Variants in DAB2IP observed in about 807,000 individuals in gnomAD.
The protein encoded by DAB2IP is DAB2 interacting protein, also known as disabled homolog 2-interacting protein.
A neutral mutation model predicts 107.2 loss-of-function variants in DAB2IP; 28 were observed. The observed-to-expected ratio is 0.26, with a 90% confidence interval of 0.19 to 0.36. DAB2IP has a LOEUF of 0.36. DAB2IP is among the 10% of genes least tolerant of loss of function. The pLI is 1.00. For synonymous variants in DAB2IP, 755 were observed against 706.4 expected, an observed-to-expected ratio of 1.07 and a Z score of -1.09; for missense variants, 1,400 against 1,644.7, an observed-to-expected ratio of 0.85 and a Z score of 2.57.
chr9:121,721,692 G>A (rs1444302204), intron 3 of DAB2IP, among the ~76,000 whole-genome samples: 1 of 152,214 alleles, frequency 6.6e-6, no homozygotes, highest in Non-Finnish European at 1.5e-5. Context: ...ACTTAAAAAT[G>A]TCAACACTGT....
chr9:121,717,572 A>G (rs1830677285), intron 3 of DAB2IP, among the ~76,000 whole-genome samples: 2 of 152,208 alleles, frequency 1.3e-5, no homozygotes, highest in South Asian at 4.1e-4. Context: ...ACAGCATACC[A>G]CGTAGCAGTG....
intron 1 of DAB2IP, among the ~76,000 whole-genome samples, chr9:121,666,374 T>A (rs1407998386): frequency 6.6e-6 from 1 of 152,210 alleles, no homozygotes; most frequent in Non-Finnish European, 1.5e-5. Flanking sequence ...GACGCATGGT[T>A]CCTTGGGGAA....
chr9:121,603,185 A>G (rs182220565), intron 1 of DAB2IP, among the ~76,000 whole-genome samples: 218 of 152,198 alleles, frequency 1.4e-3, no homozygotes, highest in African/African-American at 5.0e-3. Context: ...TTGTGCGTCT[A>G]TCTATGTTTT....
At position 121,684,849 on chromosome 9, in the gene DAB2IP, C is replaced by G. The variant is rs1025043839; in HGVS notation, c.228+6068C>G. Among the ~76,000 whole-genome samples the G allele has an allele frequency of 3.3e-4, 50 of 152,280 alleles. No homozygotes were observed. Among genetic ancestry groups the G allele is most frequent in the African/African-American group, 1.2e-3 (49 of 41,560 alleles). ...CTTGCCCAGGATACTTGCTGGGGCT[C>G]CCTCCACTGGCCCAGGCTGCTGTGG... On this transcript the variant is annotated intron_variant, in intron 2 of 15. Coordinates refer to ENST00000408936, the Ensembl canonical transcript of DAB2IP. This position sits in a 1 kb window ranked among gnomAD's most constrained non-coding sequence, Gnocchi z 4.0.
chr9:121,595,194 G>A (rs1830503408), intron 1 of DAB2IP, among the ~76,000 whole-genome samples: 1 of 151,972 alleles, frequency 6.6e-6, no homozygotes, highest in African/African-American at 2.4e-5. Context: ...GAAGTTCAGA[G>A]TAGGACTGGG....
At chr9:121,763,541 C>T (rs1349874291) in exon 7 of DAB2IP, 6 of 1,613,880 alleles carry the variant, frequency 3.7e-6, no homozygotes, top group East Asian at 2.2e-5. Context: ...AGAGGTGGAC[C>T]GCTGCGGGGA....
intron 1 of DAB2IP, among the ~76,000 whole-genome samples, chr9:121,586,030 C>T (rs73661760): frequency 0.024 from 3,668 of 152,188 alleles, 62 homozygotes; most frequent in African/African-American, 0.044. Flanking sequence ...TTTCTGCACA[C>T]ACGTAGAGGT....
Position 121,632,989 on chromosome 9 carries a change from A to G in DAB2IP, c.41-45689A>G, listed in dbSNP as rs189047933. On this transcript the variant is annotated intron_variant, in intron 1 of 16. Transcript: ENST00000259371. ...CTAGACCCTTTCGGGGGGCTCCCCAACCCTGCTCAGCTTCCCTCTCTCCCA... is the reference window on the plus strand; with the variant it reads ...CTAGACCCTTTCGGGGGGCTCCCCAGCCCTGCTCAGCTTCCCTCTCTCCCA... Among the ~76,000 whole-genome samples the G allele has an allele frequency of 1.4e-3, 219 of 152,164 alleles. 1 individual carries two copies. Among genetic ancestry groups the G allele is most frequent in the African/African-American group, 5.1e-3 (211 of 41,520 alleles).
At chr9:121,785,511 GATTT>G (rs1199305040) in exon 16 of DAB2IP, 1 of 152,700 alleles carries the variant, frequency 6.5e-6, no homozygotes, top group Non-Finnish European at 1.5e-5. Flanking sequence ...AAATATTAAA[GATTT>G]ATTTAGCTAT....
At chr9:121,709,039 G>T (rs574508554) in intron 3 of DAB2IP, among the ~76,000 whole-genome samples, 2 of 152,214 alleles carry the variant, frequency 1.3e-5, no homozygotes, top group East Asian at 1.9e-4. Flanking sequence ...CCCCCACACC[G>T]CCAGTTGCCA....
chr9:121,721,514 T>G (rs1348091876), intron 3 of DAB2IP, among the ~76,000 whole-genome samples: 1 of 152,230 alleles, frequency 6.6e-6, no homozygotes, highest in Non-Finnish European at 1.5e-5. Context: ...GTGGCATCTG[T>G]GTCCATCTGG....
chr9:121,773,416 C>A, exon 12 of DAB2IP: 1 of 1,567,442 alleles, frequency 6.4e-7, no homozygotes, highest in East Asian at 2.2e-5. Flanking sequence ...TGGGTGGGCC[C>A]CAGTACCCGC....
intron 1 of DAB2IP, among the ~76,000 whole-genome samples, chr9:121,618,289 G>A (rs988176855): frequency 5.3e-5 from 8 of 152,212 alleles, no homozygotes; most frequent in African/African-American, 1.9e-4. Flanking sequence ...AGAAGAAGGA[G>A]GGAGCAGACA....
At chr9:121,683,911 G>T (rs1031970414) in intron 2 of DAB2IP, among the ~76,000 whole-genome samples, 13 of 152,186 alleles carry the variant, frequency 8.5e-5, no homozygotes, top group Non-Finnish European at 1.9e-4. Context: ...TGATTGGAGT[G>T]CTGGATGGGT....
At chr9:121,781,226 G>A (rs1835615239) in intron 14 of DAB2IP, among the ~76,000 whole-genome samples, 1 of 152,166 alleles carries the variant, frequency 6.6e-6, no homozygotes, top group Non-Finnish European at 1.5e-5. Flanking sequence ...GGCCTCTGGG[G>A]CTTTAGGAGC....
intron 3 of DAB2IP, among the ~76,000 whole-genome samples, chr9:121,754,716 GC>G (rs1176942085): frequency 4.6e-5 from 7 of 152,206 alleles, no homozygotes; most frequent in African/African-American, 1.7e-4. Context: ...CCAGGATCTG[GC>G]TGTTTTGGGG....
At chr9:121,744,551 AG>A (rs1490570766) in intron 3 of DAB2IP, among the ~76,000 whole-genome samples, 2 of 152,214 alleles carry the variant, frequency 1.3e-5, no homozygotes, top group Non-Finnish European at 2.9e-5. Context: ...GCCACCCAGG[AG>A]GTGACAAAGG....
At chr9:121,735,650 C>T (rs1468032784) in intron 3 of DAB2IP, among the ~76,000 whole-genome samples, 1 of 152,108 alleles carries the variant, frequency 6.6e-6, no homozygotes, top group Non-Finnish European at 1.5e-5. Flanking sequence ...GGGTTCCTGG[C>T]CTCAGCTGGA....
chr9:121,641,984 C>T (rs1832331925), intron 1 of DAB2IP, among the ~76,000 whole-genome samples: 1 of 82,996 alleles, frequency 1.2e-5, no homozygotes, highest in African/African-American at 6.0e-5. Flanking sequence ...TTCTTTCTTT[C>T]TTTCTTTCCT....
Sources: gnomAD v4.1 joint callset for allele counts (sites outside exome capture counted in the v4.1 genomes callset) on GRCh38, gnomAD v4.1.1 for gene constraint, Gnocchi (gnomAD v3.1) non-coding constraint, MANE v1.5 for transcripts, NCBI Gene and HGNC (gene_info 2026-07-23, HGNC 2026-07-21) for gene names.